Variants in ZFAT observed in about 807,000 individuals in gnomAD.
The protein encoded by ZFAT is zinc finger protein ZFAT.
ZFAT carries 64 observed loss-of-function variants against 117.7 expected under a neutral mutation model. That is an observed-to-expected ratio of 0.54 (90% CI 0.44 to 0.67). The LOEUF (loss-of-function observed/expected upper bound fraction) is 0.67, where lower values mean the gene tolerates loss of function less well. Among genes scored for constraint, ZFAT ranks in the 30% least tolerant of loss-of-function variants. The probability of loss-of-function intolerance (pLI) is 0.00; values close to 1 mark genes in which losing one functional copy is unlikely to be tolerated. For missense variants in ZFAT, 1,433 were observed against 1,584.5 expected, an observed-to-expected ratio of 0.90 and a Z score of 1.62; for synonymous variants, 679 against 615.0, an observed-to-expected ratio of 1.10 and a Z score of -1.54.
upstream of ZFAT, among the ~76,000 whole-genome samples, chr8:134,717,466 CTTTTTTTTTTTT>C (rs746460924): frequency 1.4e-3 from 27 of 19,354 alleles, no homozygotes; most frequent in South Asian, 5.7e-3. Context: ...AATAACAACT[CTTTTTTTTTTTT>C]TTTTTTTTTT....
the ZFAT span, among the ~76,000 whole-genome samples, chr8:134,736,254 G>T: frequency 6.6e-6 from 1 of 152,182 alleles, no homozygotes; most frequent in African/African-American, 2.4e-5. Context: ...GCAACCTACT[G>T]CAGGTGGCCT....
chr8:134,709,666 A>G (rs988306651), intron 1 of ZFAT, among the ~76,000 whole-genome samples: 1 of 152,250 alleles, frequency 6.6e-6, no homozygotes, highest in South Asian at 2.1e-4. Flanking sequence ...ACAAAGGGAA[A>G]TGCAATTAAG....
chr8:134,508,598 C>G (rs756722390), intron 15 of ZFAT, among the ~76,000 whole-genome samples: 1 of 152,196 alleles, frequency 6.6e-6, no homozygotes, highest in Non-Finnish European at 1.5e-5. Context: ...GACCCCACTC[C>G]TCTCCCACTT....
intron 14 of ZFAT, 141 bp downstream of exon 14, chr8:134,512,334 G>C (rs1819913152): frequency 7.9e-7 from 1 of 1,257,972 alleles, no homozygotes; most frequent in South Asian, 1.5e-5. Flanking sequence ...CTGGCAATGG[G>C]GCTGCTTCTG....
chr8:134,581,552 C>A (rs557614890), intron 10 of ZFAT, among the ~76,000 whole-genome samples: 13 of 152,296 alleles, frequency 8.5e-5, no homozygotes, highest in Middle Eastern at 6.8e-3. Flanking sequence ...CAGTGGTCCT[C>A]TCATTGCACC....
chr8:134,786,794 T>C, the ZFAT span, among the ~76,000 whole-genome samples: 1 of 152,076 alleles, frequency 6.6e-6, no homozygotes, highest in Admixed American at 6.6e-5. Context: ...ATCAAATAAT[T>C]TTAATTTTAT....
the ZFAT span, chr8:134,797,185 T>G: frequency 2.0e-5 from 3 of 152,252 alleles, no homozygotes; most frequent in Non-Finnish European, 4.4e-5. Flanking sequence ...TATGTGCTAT[T>G]GACTACACAT....
chr8:134,809,461 C>T, the ZFAT span, among the ~76,000 whole-genome samples: 7 of 152,130 alleles, frequency 4.6e-5, no homozygotes, highest in Non-Finnish European at 8.8e-5. Flanking sequence ...AGAAATTGTT[C>T]TGGTTTGTCC....
chr8:134,534,866 C>T (rs958241377), intron 11 of ZFAT, among the ~76,000 whole-genome samples: 4 of 152,036 alleles, frequency 2.6e-5, no homozygotes, highest in Non-Finnish European at 5.9e-5. Context: ...CACACTCCTT[C>T]CTCGTAGGCC....
intron 10 of ZFAT, among the ~76,000 whole-genome samples, chr8:134,571,661 C>T (rs557750257): frequency 6.6e-6 from 1 of 152,316 alleles, no homozygotes; most frequent in East Asian, 1.9e-4. Flanking sequence ...AGTCCAATTA[C>T]AGCACACTCT....
intron 15 of ZFAT, among the ~76,000 whole-genome samples, chr8:134,492,478 T>G (rs973186598): frequency 3.9e-5 from 6 of 152,192 alleles, no homozygotes; most frequent in Admixed American, 2.0e-4. Flanking sequence ...GAAAAAAGAA[T>G]CTACCTGCAG....
chr8:134,627,383 G>T (rs185920960), intron 3 of ZFAT, among the ~76,000 whole-genome samples: 21 of 152,336 alleles, frequency 1.4e-4, no homozygotes, highest in African/African-American at 4.8e-4. Flanking sequence ...TGGCTCCAAG[G>T]TTTCCAATTC....
chr8:134,655,773 C>T (rs1246987330), intron 2 of ZFAT, among the ~76,000 whole-genome samples: 1 of 152,236 alleles, frequency 6.6e-6, no homozygotes, highest in Non-Finnish European at 1.5e-5. Flanking sequence ...GTTCTTTCCA[C>T]CTTGATCCAC....
chr8:134,788,134 C>T, the ZFAT span, among the ~76,000 whole-genome samples: 1 of 152,104 alleles, frequency 6.6e-6, no homozygotes, highest in Non-Finnish European at 1.5e-5. Flanking sequence ...AACATTTTGG[C>T]TTTCTCTATT....
At chr8:134,736,293 C>CT in the ZFAT span, among the ~76,000 whole-genome samples, 1 of 152,276 alleles carries the variant, frequency 6.6e-6, no homozygotes, top group South Asian at 2.1e-4. Context: ...CTGACTGGCC[C>CT]TTTCTTCGTG....
intron 2 of ZFAT, among the ~76,000 whole-genome samples, chr8:134,638,547 TACAAAAAAAAAACAAA>T (rs748249516): frequency 0.016 from 166 of 10,482 alleles, 5 homozygotes; most frequent in South Asian, 0.069. Context: ...CTACTAAAAA[TACAAAAAAAAAACAAA>T]ACAAAAAAAA....
chr8:134,739,853 G>A, the ZFAT span, among the ~76,000 whole-genome samples: 1 of 152,204 alleles, frequency 6.6e-6, no homozygotes, highest in African/African-American at 2.4e-5. Flanking sequence ...GGCTTTCTCT[G>A]GCCACTGGAG....
At chr8:134,709,565 AAACTT>A (rs1243873023) in intron 1 of ZFAT, among the ~76,000 whole-genome samples, 1 of 152,220 alleles carries the variant, frequency 6.6e-6, no homozygotes, top group Non-Finnish European at 1.5e-5. Flanking sequence ...AAGAGAGGGA[AAACTT>A]AACTCTAGGC....
In ZFAT at chr8:134,628,596, A is replaced by G. The variant is rs144766148; in HGVS notation, c.448+8865T>C. 4.9e-4 allele frequency among the ~76,000 whole-genome samples: 74 copies of G among 152,380 alleles called. 1 individual carries two copies. In the East Asian group the frequency reaches 0.013, roughly 28 times the overall value. On this transcript the variant is annotated intron_variant, in intron 3 of 15. Coordinates refer to ENST00000377838, the MANE Select transcript of ZFAT (RefSeq NM_020863.4). Reference sequence around the variant, plus strand: ...AAATCCACTGAAATTCGGGAATAAAAAAGAATTCTTCTTTACCTTTCTTAA... The same window carrying G: ...AAATCCACTGAAATTCGGGAATAAAGAAGAATTCTTCTTTACCTTTCTTAA...
Sources: allele counts gnomAD v4.1 joint callset (sites outside exome capture counted in the v4.1 genomes callset), GRCh38; gene constraint gnomAD v4.1.1; transcripts MANE v1.5; gene names NCBI Gene and HGNC (gene_info 2026-07-23, HGNC 2026-07-21).